MLIP: variants seen among roughly 807,000 people sequenced by gnomAD.
MLIP encodes muscular LMNA interacting protein.
A neutral mutation model predicts 84.8 loss-of-function variants in MLIP; 79 were observed. The observed-to-expected ratio is 0.93, with a 90% CI of 0.78 to 1.12. MLIP has a LOEUF of 1.12. Ranked by LOEUF, MLIP falls within the 50% of genes most tolerant of loss-of-function variation. MLIP has a pLI of 0.00. For missense variants in MLIP, 1,257 were observed against 1,160.6 expected, an observed-to-expected ratio of 1.08 and a Z score of -1.21; for synonymous variants, 504 against 463.0, an observed-to-expected ratio of 1.09 and a Z score of -1.14.
In MLIP at chr6:54,218,375, TAAAAG is replaced by T. The variant is rs1779990030; in HGVS notation, c.2719-12336_2719-12332del. On this transcript the variant is annotated intron_variant, in intron 11 of 13. Coordinates refer to ENST00000502396, the MANE Select transcript of MLIP (RefSeq NM_001281747.2). ...TACTGTGAAAATACAATATAAAAAA[TAAAAG>T]AAGGAACACCTGTATAGTGCACTTA... Among the ~76,000 whole-genome samples the T allele has an allele frequency of 1.3e-5, 2 of 152,070 alleles. 1 individual carries two copies. Among genetic ancestry groups the T allele is most frequent in the South Asian group, 4.1e-4 (2 of 4,824 alleles).
intron 1 of MLIP, among the ~76,000 whole-genome samples, chr6:54,040,377 AG>A (rs1168035386): frequency 5.9e-5 from 9 of 152,016 alleles, no homozygotes; most frequent in Non-Finnish European, 1.3e-4. Context: ...TGACTGCTCA[AG>A]AGTCTTCAGA....
chr6:54,075,002 C>A (rs540429467), intron 1 of MLIP, among the ~76,000 whole-genome samples: 3 of 152,112 alleles, frequency 2.0e-5, no homozygotes, highest in South Asian at 2.1e-4. Flanking sequence ...AATCCCAGCA[C>A]TTTGGGAGGC....
chr6:54,109,539 G>A (rs1246921863), upstream of MLIP, among the ~76,000 whole-genome samples: 1 of 152,000 alleles, frequency 6.6e-6, no homozygotes, highest in African/African-American at 2.4e-5. Flanking sequence ...TGTCCCGATA[G>A]GTGCCTTCAA....
chr6:54,213,573 G>A (rs533212450), intron 11 of MLIP, among the ~76,000 whole-genome samples: 5 of 151,622 alleles, frequency 3.3e-5, no homozygotes, highest in African/African-American at 4.8e-5. Context: ...ATGGTGGTAC[G>A]TGCCTGTAAT....
intron 9 of MLIP, among the ~76,000 whole-genome samples, chr6:54,178,491 G>A (rs1387137854): frequency 5.3e-5 from 8 of 151,940 alleles, no homozygotes; most frequent in East Asian, 1.9e-4. Flanking sequence ...GTTGTTTAAG[G>A]TGTTTTATTA....
At chr6:54,238,742 C>G (rs771531409) in intron 12 of MLIP, among the ~76,000 whole-genome samples, 3 of 152,172 alleles carry the variant, frequency 2.0e-5, no homozygotes, top group Non-Finnish European at 4.4e-5. Flanking sequence ...AAAATAGGAT[C>G]TTTATAGGCA....
At chr6:54,257,764 A>G (rs1327709078) in intron 13 of MLIP, among the ~76,000 whole-genome samples, 1 of 152,022 alleles carries the variant, frequency 6.6e-6, no homozygotes, top group Non-Finnish European at 1.5e-5. Context: ...GTTTCAGTTC[A>G]TAGGAAGATG....
intron 1 of MLIP, among the ~76,000 whole-genome samples, chr6:54,112,598 C>A (rs1315057855): frequency 2.6e-5 from 4 of 151,986 alleles, no homozygotes; most frequent in African/African-American, 9.7e-5. Context: ...ATGAATAAGT[C>A]TTTAGTTTTA....
intron 12 of MLIP, among the ~76,000 whole-genome samples, chr6:54,256,699 A>G (rs1783028111): frequency 6.6e-6 from 1 of 152,146 alleles, no homozygotes; most frequent in Admixed American, 6.6e-5. Context: ...AAATTCCCAC[A>G]TAACAAAAGA....
intron 12 of MLIP, among the ~76,000 whole-genome samples, chr6:54,243,930 G>T (rs1279237763): frequency 6.6e-6 from 1 of 152,132 alleles, no homozygotes. Context: ...GGCAGAGCCT[G>T]GGCTTATGAA....
rs74362347 is a variant in MLIP at position 54,043,056 on chromosome 6, A to G, written c.63+23965A>G. On this transcript the variant is annotated intron_variant, in intron 1 of 12. Transcript: ENST00000274897. ...GTCTCAAGACTCTCAGAGATTTACT[A>G]TTCATTCACTTTGAGATTTCTGCCA... Among the ~76,000 whole-genome samples the G allele has an allele frequency of 5.7e-4, 87 of 152,268 alleles. 1 individual carries two copies. In the South Asian group the frequency reaches 7.0e-3, roughly 12 times the overall value.
chr6:54,248,983 T>C (rs1782273588), intron 12 of MLIP, among the ~76,000 whole-genome samples: 2 of 152,072 alleles, frequency 1.3e-5, no homozygotes, highest in Non-Finnish European at 2.9e-5. Flanking sequence ...TAACAGTTCA[T>C]ACAAGGAATA....
intron 1 of MLIP, chr6:54,059,043 C>A (rs145236929): frequency 3.4e-4 from 52 of 152,296 alleles, no homozygotes; most frequent in African/African-American, 1.2e-3. Flanking sequence ...ATATGCTGTA[C>A]TATCATTTAG....
intron 1 of MLIP, among the ~76,000 whole-genome samples, chr6:54,114,853 G>C (rs941297631): frequency 6.6e-6 from 1 of 152,124 alleles, no homozygotes; most frequent in Non-Finnish European, 1.5e-5. Context: ...AGTGAGGGTT[G>C]GTTTTACTAG....
intron 8 of MLIP, among the ~76,000 whole-genome samples, chr6:54,166,509 C>T (rs893102295): frequency 6.6e-6 from 1 of 151,780 alleles, no homozygotes; most frequent in African/African-American, 2.4e-5. Context: ...GTTGCTCACA[C>T]CCTCCTCTTT....
rs1021368162 is a variant in MLIP at position 54,118,578 on chromosome 6, C to T, written c.97-2869C>T. Among the ~76,000 whole-genome samples, 8 of 151,992 alleles carry T rather than the reference C, an allele frequency of 5.3e-5. No individual in the cohort carries two copies. The South Asian group carries it at 6.2e-4, about 12-fold the overall frequency. ...ATGAAACTGCTAGAAGAAAACATAGCGGGAAAGTTCTATGACATTGGTCTG... is the reference window on the plus strand; with the variant it reads ...ATGAAACTGCTAGAAGAAAACATAGTGGGAAAGTTCTATGACATTGGTCTG... On this transcript the variant is annotated intron_variant, in intron 1 of 13. Coordinates refer to ENST00000502396, the MANE Select transcript of MLIP (RefSeq NM_001281747.2).
chr6:54,073,298 G>A (rs754528553), intron 1 of MLIP, among the ~76,000 whole-genome samples: 2 of 152,068 alleles, frequency 1.3e-5, no homozygotes, highest in Non-Finnish European at 2.9e-5. Flanking sequence ...CATTCCATTA[G>A]GTTACCTATT....
intron 1 of MLIP, among the ~76,000 whole-genome samples, chr6:54,042,669 T>C (rs1764812737): frequency 1.3e-5 from 2 of 152,248 alleles, no homozygotes; most frequent in South Asian, 4.2e-4. Context: ...AGACAGAGTC[T>C]TAGAGTGAAA....
intron 9 of MLIP, among the ~76,000 whole-genome samples, chr6:54,181,894 G>A (rs1335467156): frequency 6.6e-6 from 1 of 152,190 alleles, no homozygotes; most frequent in Non-Finnish European, 1.5e-5. Context: ...GTAAGACAAA[G>A]TCCTCTTTAC....
Sources: gnomAD v4.1 joint callset for allele counts (sites outside exome capture counted in the v4.1 genomes callset) on GRCh38, gnomAD v4.1.1 for gene constraint, MANE v1.5 for transcripts, NCBI Gene and HGNC (gene_info 2026-07-23, HGNC 2026-07-21) for gene names.